Variants in GBP1 observed in about 807,000 individuals in gnomAD.
GBP1 encodes the protein guanylate-binding protein 1.
Under a neutral mutation model 69.5 loss-of-function variants are expected in GBP1, and 64 were observed. That is an observed-to-expected ratio of 0.92 (90% CI 0.75 to 1.13). The LOEUF is 1.13. Ranked by LOEUF, GBP1 falls within the 50% of genes most tolerant of loss-of-function variation. The pLI, the probability that GBP1 is intolerant of heterozygous loss-of-function variation, is 0.00. For synonymous variants in GBP1, 250 were observed against 261.2 expected (o/e 0.96, Z 0.41); for missense variants, 630 against 704.1 (o/e 0.89, Z 1.19).
In GBP1 at chr1:89,057,070, C is replaced by T. The variant is rs778247235; in HGVS notation, c.939G>A (p.Glu313=). ...TCTGGGCCAAGGCCAGGACTGCGTT[C>T]TCCATGCACGGCAGATCCCCACTGC... ...AISSGDLPCM[E]NAVLALAQIE... is the part of the protein sequence containing the mutation. The change falls in exon 7 of 11, where the codon GAG becomes GAA. Residue 313 remains glutamate (E), a synonymous_variant. Coordinates refer to ENST00000370473, the MANE Select transcript of GBP1 (RefSeq NM_002053.3). The T allele has an allele frequency of 1.4e-5, 22 of 1,614,162 alleles. No individual in the cohort carries two copies. Among genetic ancestry groups the T allele is most frequent in the Non-Finnish European group, 1.9e-5 (22 of 1,180,062 alleles).
At chr1:89,061,719 G>A (rs1382741608) in intron 2 of GBP1, among the ~76,000 whole-genome samples, 1 of 151,866 alleles carries the variant, frequency 6.6e-6, no homozygotes, top group Non-Finnish European at 1.5e-5. Context: ...AGTTAAAAAA[G>A]GCAACACACG....
intron 3 of GBP1, 58 bp downstream of exon 3, chr1:89,060,139 C>A: frequency 6.7e-7 from 1 of 1,494,130 alleles, no homozygotes. Context: ...CAATTAACCG[C>A]TGCATAAAAT....
intron 5 of GBP1, 78 bp from the exon 6 acceptor site, chr1:89,058,312 G>T: frequency 8.1e-7 from 1 of 1,240,814 alleles, no homozygotes. Context: ...AATATTTTAG[G>T]CTCTTCAGGC....
In GBP1 at chr1:89,055,108, C is replaced by G; in HGVS notation, c.1471+5G>C. On this transcript the variant is annotated splice_donor_5th_base_variant and intron_variant, in intron 9 of 10. Coordinates refer to ENST00000370473, the MANE Select transcript of GBP1 (RefSeq NM_002053.3). Reference sequence around the variant, plus strand: ...GGCCATCTAATCTCTTAACTCACTCCTCACCTTCAATCTCCTTTTCTTTTT... The same window carrying G: ...GGCCATCTAATCTCTTAACTCACTCGTCACCTTCAATCTCCTTTTCTTTTT... 1 of 1,607,736 alleles carries G rather than the reference C, an allele frequency of 6.2e-7. No individual in the cohort carries two copies. The highest frequency in any genetic ancestry group is 8.5e-7 in the Non-Finnish European group (1 of 1,177,684).
intron 5 of GBP1, chr1:89,058,548 A>G: frequency 3.7e-6 from 2 of 541,638 alleles, no homozygotes; most frequent in East Asian, 3.3e-5. Context: ...TATCCATTGT[A>G]CTCCATACTC....
chr1:89,058,699 A>G, intron 5 of GBP1, 142 bp downstream of exon 5: 1 of 770,364 alleles, frequency 1.3e-6, no homozygotes, highest in Non-Finnish European at 2.1e-6. Flanking sequence ...TAATTTGGAT[A>G]TTCAGCAAGT....
In GBP1 at chr1:89,055,298, C is replaced by T. The variant is rs556959411; in HGVS notation, c.1369-83G>A. On this transcript the variant is annotated intron_variant, in intron 8 of 10. Coordinates refer to ENST00000370473, the MANE Select transcript of GBP1 (RefSeq NM_002053.3). ...TGTTTGTCTTCCTGCCATCCTTTCT[C>T]CTCTGGGAATTCTTTCTCTTGGCCC... The T allele has an allele frequency of 5.9e-5, 93 of 1,586,982 alleles. 1 individual carries two copies. The South Asian group carries it at 9.8e-4, about 17-fold the overall frequency.
At chr1:89,053,844 C>T (rs1679978902) in intron 10 of GBP1, among the ~76,000 whole-genome samples, 1 of 152,174 alleles carries the variant, frequency 6.6e-6, no homozygotes, top group African/African-American at 2.4e-5. Flanking sequence ...GGGAGCAGGA[C>T]ATTAAAAATA....
chr1:89,053,538 C>T (rs909524042), intron 10 of GBP1, 70 bp from the exon 11 acceptor site: 1 of 1,554,542 alleles, frequency 6.4e-7, no homozygotes, highest in African/African-American at 1.4e-5. Flanking sequence ...ATCTGGTTTC[C>T]ACATTAAATG....
In GBP1 at chr1:89,057,091, A is replaced by G. The variant is rs771228081; in HGVS notation, c.918T>C (p.Ser306=). ...LVLTYVNAIS[S]GDLPCMENAV... is the part of the protein sequence containing the mutation. ...CGTTCTCCATGCACGGCAGATCCCC[A>G]CTGCTGATGGCATTGACGTAGGTCA... Residue 306 remains serine (S), a synonymous_variant, in exon 7 of 11, where the codon AGT becomes AGC. Coordinates refer to ENST00000370473, the MANE Select transcript of GBP1 (RefSeq NM_002053.3). The G allele has an allele frequency of 1.2e-6, 2 of 1,614,238 alleles. No homozygotes were observed. The highest frequency in any genetic ancestry group is 1.6e-4 in the Middle Eastern group (1 of 6,062).
rs777166790 is a variant in GBP1 at position 89,063,107 on chromosome 1, A to G, written c.128T>C (p.Ile43Thr). The change falls in exon 2 of 11, where the codon ATT (isoleucine) becomes ACT (threonine). Residue 43 changes from isoleucine (I) to threonine (T), a missense_variant. Physicochemically the swap from Ile to Thr is moderately conservative, Grantham distance 89. This residue lies in a region of GBP1 where 131 missense variants were observed against 138.5 expected (regional missense o/e 0.95). Coordinates refer to ENST00000370473, the MANE Select transcript of GBP1 (RefSeq NM_002053.3). ...AITQPMVVVAIVGLYRTGKSY... is the reference protein window; with the variant it reads ...AITQPMVVVATVGLYRTGKSY... ...TTTGCCTGTGCGGTAGAGGCCCACAATTGCCACCACCACCATAGGCTGTGT... is the reference window on the plus strand; with the variant it reads ...TTTGCCTGTGCGGTAGAGGCCCACAGTTGCCACCACCACCATAGGCTGTGT... The G allele has an allele frequency of 3.7e-6, 6 of 1,613,946 alleles. No individual in the cohort carries two copies. The highest frequency in any genetic ancestry group is 1.1e-5 in the South Asian group (1 of 91,086).
rs373296358 is a variant in GBP1 at position 89,058,238 on chromosome 1, G to T, written c.632-4C>A. 6.4e-4 allele frequency: 1,006 copies of T among 1,570,662 alleles called. 1 individual carries two copies. Among genetic ancestry groups the T allele is most frequent in the Non-Finnish European group, 7.7e-4 (899 of 1,162,244 alleles). On this transcript the variant is annotated splice_region_variant and splice_polypyrimidine_tract_variant and intron_variant, in intron 5 of 10. Transcript: ENST00000370473. ...GTTTCATCTTTTTGACTGGTACCTA[G>T]AAAAACATTTAAAAAATTATAAAAT... is the stretch of plus-strand genomic sequence containing the variant.
At position 89,057,976 on chromosome 1, in the gene GBP1, T is replaced by C; in HGVS notation, c.874+16A>G. ...AGTCTTAAACAATGAGCAGAAGTAC[T>C]AGGAAGGGGACTTACGAGGCCCGTT... On this transcript the variant is annotated intron_variant, in intron 6 of 10. Coordinates refer to ENST00000370473, the MANE Select transcript of GBP1 (RefSeq NM_002053.3). 2 of 1,605,560 alleles carry C rather than the reference T, an allele frequency of 1.2e-6. No individual in the cohort carries two copies. The highest frequency in any genetic ancestry group is 8.5e-7 in the Non-Finnish European group (1 of 1,175,002).
chr1:89,062,162 G>C (rs1570283236), intron 2 of GBP1, among the ~76,000 whole-genome samples: 1 of 152,178 alleles, frequency 6.6e-6, no homozygotes, highest in East Asian at 1.9e-4. Flanking sequence ...CCCCTTCTGG[G>C]TATATTCCCA....
At chr1:89,054,575 G>T in intron 10 of GBP1, 107 bp downstream of exon 10, 1 of 986,760 alleles carries the variant, frequency 1.0e-6, no homozygotes, top group Non-Finnish European at 1.5e-6. Context: ...AAGCAAGCAG[G>T]GTCCTTACCC....
rs1680088146 is a variant in GBP1, at chr1:89,058,009, A to T, written c.857T>A (p.Ile286Asn). 1.2e-6 allele frequency: 2 copies of T among 1,612,896 alleles called. No individual in the cohort carries two copies. Among genetic ancestry groups the T allele is most frequent in the Non-Finnish European group, 1.7e-6 (2 of 1,179,650 alleles). The change falls in exon 6 of 11, where the codon ATC becomes AAC. Residue 286 changes from isoleucine to asparagine, a missense_variant. By Grantham distance (149) the Ile-to-Asn change is moderately radical (BLOSUM62 -3). Around this residue, in one of 5 missense-constraint regions of GBP1, gnomAD observed 367 missense variants for 369.5 expected, o/e 0.99. Coordinates refer to ENST00000370473, the MANE Select transcript of GBP1 (RefSeq NM_002053.3). ...NSKTKTLSGG[I>N]QVNGPRLESL... ...GGACTTACGAGGCCCGTTGACCTGG[A>T]TGCCTCCTGAAAGAGTTTTAGTTTT...
intron 2 of GBP1, 112 bp from the exon 3 acceptor site, chr1:89,060,436 G>A (rs1039251747): frequency 6.8e-5 from 64 of 941,216 alleles, no homozygotes; most frequent in Non-Finnish European, 4.7e-5. Flanking sequence ...ACAACAATCA[G>A]TATTCACCTT....
At position 89,057,051 on chromosome 1, in the gene GBP1, C is replaced by A; in HGVS notation, c.958G>T (p.Ala320Ser). ...ACTGCAGCTGAGTTCTCTATCTGGGCCAAGGCCAGGACTGCGTTCTCCATG... is the reference window on the plus strand; with the variant it reads ...ACTGCAGCTGAGTTCTCTATCTGGGACAAGGCCAGGACTGCGTTCTCCATG... ...PCMENAVLALAQIENSAAVQK... is the reference protein window; with the variant it reads ...PCMENAVLALSQIENSAAVQK... The change falls in exon 7 of 11, where the codon GCC (alanine) becomes TCC (serine). Residue 320 changes from alanine to serine, a missense_variant. Physicochemically the swap from Ala to Ser is moderately conservative, Grantham distance 99. Around this residue, in one of 5 missense-constraint regions of GBP1, gnomAD observed 367 missense variants for 369.5 expected, o/e 0.99. Coordinates refer to ENST00000370473, the MANE Select transcript of GBP1 (RefSeq NM_002053.3). The A allele has an allele frequency of 1.2e-6, 2 of 1,614,228 alleles. No homozygotes were observed. The highest frequency in any genetic ancestry group is 8.5e-7 in the Non-Finnish European group (1 of 1,180,038).
At chr1:89,055,427 A>G (rs1458825111) in intron 8 of GBP1, 1 of 585,792 alleles carries the variant, frequency 1.7e-6, no homozygotes. Context: ...AGGCTAATAT[A>G]GATACTGGGA....
Sources: gnomAD v4.1 joint callset for allele counts (sites outside exome capture counted in the v4.1 genomes callset) on GRCh38, gnomAD v4.1.1 for gene constraint, gnomAD v4.1.1 regional missense constraint, MANE v1.5 for transcripts, NCBI Gene and HGNC (gene_info 2026-07-23, HGNC 2026-07-21) for gene names.